The following MAP1B variants were observed in gnomAD, a reference collection of about 807,000 sequenced individuals.
MAP1B encodes microtubule-associated protein 1B.
In MAP1B, 12 loss-of-function variants were observed where a neutral mutation model predicts 176.1. That is an observed-to-expected ratio of 0.07 (90% CI 0.04 to 0.11). The LOEUF is 0.11. MAP1B is among the 10% of genes least tolerant of loss of function. The pLI is 1.00. For missense variants in MAP1B, 2,523 were observed against 2,990.5 expected, an observed-to-expected ratio of 0.84 and a Z score of 3.65; for synonymous variants, 1,044 against 1,135.0, an observed-to-expected ratio of 0.92 and a Z score of 1.61.
chr5:72,184,088 G>A (rs1055380452), intron 3 of MAP1B, among the ~76,000 whole-genome samples: 2 of 152,228 alleles, frequency 1.3e-5, no homozygotes, highest in Non-Finnish European at 1.5e-5. Context: ...TGAATTTGGG[G>A]TATTTATGCT....
intron 5 of MAP1B, among the ~76,000 whole-genome samples, chr5:72,203,265 G>A (rs189074066): frequency 5.9e-5 from 9 of 152,212 alleles, no homozygotes; most frequent in African/African-American, 2.2e-4. Context: ...TGCCATCTTG[G>A]GAAAGGCCTT....
intron 2 of MAP1B, among the ~76,000 whole-genome samples, chr5:72,164,647 A>G (rs1746392431): frequency 6.6e-6 from 1 of 152,174 alleles, no homozygotes; most frequent in Non-Finnish European, 1.5e-5. Context: ...CAGGGTAACC[A>G]GGGAACCAGC....
At position 72,107,477 on chromosome 5, in the gene MAP1B, A is replaced by G. The variant is rs1020093201; in HGVS notation, c.-55A>G. On this transcript the variant is annotated 5_prime_UTR_variant, in exon 1 of 7. Coordinates refer to ENST00000296755, the MANE Select transcript of MAP1B (RefSeq NM_005909.5). ...CGGAGATAATCCTTTCTCCTGCCGC[A>G]GTGGAGAGGAGCGGCCGGAGCGAGA... 2.4e-5 allele frequency: 35 copies of G among 1,436,086 alleles called. No individual in the cohort carries two copies. Among genetic ancestry groups the G allele is most frequent in the Non-Finnish European group, 2.4e-5 (26 of 1,072,920 alleles). The allele number at this position is 1,436,086 out of a possible 1,614,324, so 89.0% of individuals were successfully genotyped here.
chr5:72,109,902 G>C (rs550695034), intron 1 of MAP1B, among the ~76,000 whole-genome samples: 237 of 152,318 alleles, frequency 1.6e-3, no homozygotes, highest in African/African-American at 5.1e-3. Context: ...TTACTCATCT[G>C]ATCATCCTTT....
At chr5:72,148,805 C>T (rs114062220) in intron 2 of MAP1B, among the ~76,000 whole-genome samples, 1,618 of 152,342 alleles carry the variant, frequency 0.011, 28 homozygotes, top group African/African-American at 0.037. Flanking sequence ...GGAGCAGCCA[C>T]ACTGTGGTGT....
chr5:72,125,394 G>A (rs759437336), intron 2 of MAP1B, among the ~76,000 whole-genome samples: 5 of 152,200 alleles, frequency 3.3e-5, no homozygotes, highest in Non-Finnish European at 4.4e-5. Context: ...TTATAAAGGA[G>A]ACAATCCTTT....
At chr5:72,200,523 A>G (rs909366148) in intron 5 of MAP1B, among the ~76,000 whole-genome samples, 156 bp downstream of exon 5, 6 of 152,222 alleles carry the variant, frequency 3.9e-5, no homozygotes, top group Admixed American at 3.3e-4. Context: ...CCAAAGGTAT[A>G]TATCTCAGTC....
chr5:72,184,882 G>T (rs1746859167), intron 3 of MAP1B, among the ~76,000 whole-genome samples: 1 of 152,150 alleles, frequency 6.6e-6, no homozygotes, highest in African/African-American at 2.4e-5. Context: ...GGTTTTTAGT[G>T]TATTTACAAA....
intron 4 of MAP1B, chr5:72,193,361 G>A: frequency 1.1e-5 from 1 of 94,836 alleles, no homozygotes; most frequent in Non-Finnish European, 2.3e-5. Flanking sequence ...TTTTTTTTTT[G>A]CCAAGTCTAG....
rs746446319 is a variant in MAP1B at position 72,186,769 on chromosome 5, G to T, written c.510+15G>T. On this transcript the variant is annotated intron_variant, in intron 4 of 6. Transcript: ENST00000296755. This position sits in a 1 kb window ranked among gnomAD's most constrained non-coding sequence, Gnocchi z 4.3. ...CCGATCAAGAGGTAGGTTCGTGTCTGAGAATATCTGTGCTTCTAGTGGCTT... is the reference window on the plus strand; with the variant it reads ...CCGATCAAGAGGTAGGTTCGTGTCTTAGAATATCTGTGCTTCTAGTGGCTT... 3 of 1,613,634 alleles carry T rather than the reference G, an allele frequency of 1.9e-6. No individual in the cohort carries two copies. The highest frequency in any genetic ancestry group is 1.1e-5 in the South Asian group (1 of 91,066).
At chr5:72,150,168 C>T (rs1746116766) in intron 2 of MAP1B, among the ~76,000 whole-genome samples, 1 of 152,200 alleles carries the variant, frequency 6.6e-6, no homozygotes, top group Non-Finnish European at 1.5e-5. Context: ...AACAGAATGG[C>T]CCATTTAAAA....
In MAP1B at chr5:72,180,904, T is replaced by C. The variant is rs186919114; in HGVS notation, c.287-2839T>C. On this transcript the variant is annotated intron_variant, in intron 2 of 6. Transcript: ENST00000296755. The stretch of plus-strand genomic sequence containing the variant: ...GTGCCTTGTCTGTTTTAACAAATTT[T>C]AGTTCCAGTAACCAACCCCATAGGG... 3.9e-5 allele frequency among the ~76,000 whole-genome samples: 6 copies of C among 152,322 alleles called. No individual in the cohort carries two copies. In the East Asian group the frequency reaches 9.6e-4, roughly 24 times the overall value.
chr5:72,126,979 A>G (rs1745643323), intron 2 of MAP1B, among the ~76,000 whole-genome samples: 1 of 152,252 alleles, frequency 6.6e-6, no homozygotes, highest in African/African-American at 2.4e-5. Flanking sequence ...GCCAAATAGG[A>G]AATAGCTACA....
intron 4 of MAP1B, among the ~76,000 whole-genome samples, chr5:72,190,816 G>C (rs1028435387): frequency 3.9e-5 from 6 of 152,178 alleles, no homozygotes; most frequent in Non-Finnish European, 5.9e-5. Context: ...GAGATACACT[G>C]TCTACTGTAT....
chr5:72,183,353 A>T (rs1370715113), intron 2 of MAP1B, among the ~76,000 whole-genome samples: 1 of 152,238 alleles, frequency 6.6e-6, no homozygotes, highest in African/African-American at 2.4e-5. Context: ...AGTTCTCACC[A>T]GAAGAAAGGC....
chr5:72,170,214 A>G (rs1746509052), intron 2 of MAP1B, among the ~76,000 whole-genome samples: 1 of 151,542 alleles, frequency 6.6e-6, no homozygotes. Context: ...GGAAAACTCA[A>G]TGGCTAATTT....
rs772335490 is a variant in MAP1B, at chr5:72,206,036, G to A, written c.*797G>A. The A allele has an allele frequency of 2.6e-5, 4 of 152,602 alleles. No individual in the cohort carries two copies. Among genetic ancestry groups the A allele is most frequent in the Non-Finnish European group, 5.9e-5 (4 of 68,058 alleles). 9.5% of individuals were successfully genotyped at this position (152,602 alleles called of 1,614,324 possible). On this transcript the variant is annotated 3_prime_UTR_variant, in exon 7 of 7. Coordinates refer to ENST00000296755, the MANE Select transcript of MAP1B (RefSeq NM_005909.5). ...CAGACTCTAAACACACAAGTAGATT[G>A]ATCTAAGGCATGCTCCCAGCATTTG...
chr5:72,199,071 T>C lies in MAP1B; in HGVS notation c.5716T>C (p.Tyr1906His). ...TRTSDVGGYY[Y>H]EKIERTTKSP... Reference sequence around the variant, plus strand: ...GACCTCAGATGTGGGTGGCTATTACTATGAGAAGATAGAGAGAACCACAAA... The same window carrying C: ...GACCTCAGATGTGGGTGGCTATTACCATGAGAAGATAGAGAGAACCACAAA... The change falls in exon 5 of 7, where the codon TAT (tyrosine) becomes CAT (histidine). Residue 1906 changes from tyrosine to histidine, a missense_variant. Around this residue, in one of 4 missense-constraint regions of MAP1B, gnomAD observed 1,925 missense variants for 2,126.0 expected, o/e 0.91. Transcript: ENST00000296755. This position sits in a 1 kb window ranked among gnomAD's most constrained non-coding sequence, Gnocchi z 4.2. 1 of 1,614,092 alleles carries C rather than the reference T, an allele frequency of 6.2e-7. No homozygotes were observed. The highest frequency in any genetic ancestry group is 8.5e-7 in the Non-Finnish European group (1 of 1,179,982).
At chr5:72,174,996 TCCTTCCTTCCCTCCCTC>T (rs1279970987) in intron 2 of MAP1B, among the ~76,000 whole-genome samples, 22 of 123,640 alleles carry the variant, frequency 1.8e-4, no homozygotes, top group South Asian at 1.0e-3. Flanking sequence ...CCTCCCTCCT[TCCTTCCTTCCCTCCCTC>T]CCTTCCTTCC....
Sources: allele counts gnomAD v4.1 joint callset (sites outside exome capture counted in the v4.1 genomes callset), GRCh38; gene constraint gnomAD v4.1.1; regional missense constraint gnomAD v4.1.1; non-coding constraint Gnocchi (gnomAD v3.1); transcripts MANE v1.5; gene names NCBI Gene and HGNC (gene_info 2026-07-23, HGNC 2026-07-21).